The following SIL1 variants were observed in gnomAD, a reference collection of about 807,000 sequenced individuals.
SIL1 encodes the protein nucleotide exchange factor SIL1.
Under a neutral mutation model 49.1 loss-of-function variants are expected in SIL1, and 40 were observed. The ratio of observed to expected loss-of-function variants is 0.81; its 90% confidence interval spans 0.63 to 1.06. The LOEUF (loss-of-function observed/expected upper bound fraction) is 1.06, where lower values mean the gene tolerates loss of function less well. Ranked by LOEUF, SIL1 falls within the 50% of genes least tolerant of loss-of-function variation. SIL1 has a pLI of 0.00. For synonymous variants in SIL1, 253 were observed against 250.8 expected (o/e 1.01, Z -0.08); for missense variants, 500 against 572.6 (o/e 0.87, Z 1.29).
intron 3 of SIL1, among the ~76,000 whole-genome samples, chr5:139,068,983 G>A (rs1164525917): frequency 6.6e-6 from 1 of 151,980 alleles, no homozygotes; most frequent in Non-Finnish European, 1.5e-5. Context: ...GCTAGAGGCT[G>A]TGTATGGTGA....
chr5:139,156,569 AT>A (rs1286344558), intron 1 of SIL1, among the ~76,000 whole-genome samples: 1 of 152,204 alleles, frequency 6.6e-6, no homozygotes, highest in Non-Finnish European at 1.5e-5. Context: ...TAAAATGATT[AT>A]CCTGGATTAT....
At chr5:139,000,839 G>C (rs1767967092) in intron 7 of SIL1, among the ~76,000 whole-genome samples, 1 of 151,816 alleles carries the variant, frequency 6.6e-6, no homozygotes, top group Admixed American at 6.6e-5. Flanking sequence ...ACAAAAGACA[G>C]TATCCAGACT....
intron 1 of SIL1, among the ~76,000 whole-genome samples, chr5:139,193,599 A>C (rs1460424930): frequency 6.6e-6 from 1 of 152,152 alleles, no homozygotes; most frequent in Non-Finnish European, 1.5e-5. Flanking sequence ...GTAGACAATT[A>C]AGGGAAAAAA....
chr5:139,172,093 A>G (rs1356530859), intron 1 of SIL1, among the ~76,000 whole-genome samples: 1 of 152,220 alleles, frequency 6.6e-6, no homozygotes, highest in Non-Finnish European at 1.5e-5. Context: ...AAGAGAAGTG[A>G]ATAGAGACTA....
chr5:138,949,355 G>A (rs985151891), intron 9 of SIL1, among the ~76,000 whole-genome samples: 3 of 152,140 alleles, frequency 2.0e-5, no homozygotes, highest in Non-Finnish European at 4.4e-5. Flanking sequence ...CCCTGATGGG[G>A]GTGTCACATT....
chr5:139,080,776 T>C (rs1047143521), intron 3 of SIL1, among the ~76,000 whole-genome samples: 3 of 152,208 alleles, frequency 2.0e-5, no homozygotes, highest in Admixed American at 2.0e-4. Flanking sequence ...AGCTTTTTAA[T>C]TAAGTGACAA....
At chr5:139,063,322 C>T (rs1769636972) in intron 3 of SIL1, among the ~76,000 whole-genome samples, 1 of 152,198 alleles carries the variant, frequency 6.6e-6, no homozygotes, top group Non-Finnish European at 1.5e-5. Flanking sequence ...CCACAGCCCC[C>T]AAATTTAATA....
chr5:139,133,661 G>A (rs1349521703), intron 1 of SIL1, among the ~76,000 whole-genome samples: 2 of 152,200 alleles, frequency 1.3e-5, no homozygotes, highest in Non-Finnish European at 2.9e-5. Flanking sequence ...GAAAGAACTG[G>A]AAAAGGTTCT....
intron 1 of SIL1, among the ~76,000 whole-genome samples, chr5:139,188,855 C>A (rs935411920): frequency 6.6e-6 from 1 of 152,194 alleles, no homozygotes; most frequent in African/African-American, 2.4e-5. Flanking sequence ...GCCCCCGAAA[C>A]AAGGCCTGCT....
At chr5:139,125,932 T>C (rs1159712663) in intron 2 of SIL1, among the ~76,000 whole-genome samples, 15 of 152,182 alleles carry the variant, frequency 9.9e-5, no homozygotes, top group Non-Finnish European at 1.5e-5. Flanking sequence ...CAGATCATAC[T>C]GTGATACACA....
intron 7 of SIL1, among the ~76,000 whole-genome samples, chr5:138,992,899 A>T (rs1327573769): frequency 7.9e-5 from 12 of 152,054 alleles, no homozygotes; most frequent in Admixed American, 6.5e-4. Flanking sequence ...TAATTAAAAA[A>T]ATATAAATAA....
chr5:138,999,349 T>C (rs927384830), intron 7 of SIL1, among the ~76,000 whole-genome samples: 1 of 152,244 alleles, frequency 6.6e-6, no homozygotes, highest in Non-Finnish European at 1.5e-5. Context: ...GATTGTTCAC[T>C]GTTGGCATAT....
chr5:139,076,420 G>C (rs1769949372), intron 3 of SIL1, among the ~76,000 whole-genome samples: 1 of 152,160 alleles, frequency 6.6e-6, no homozygotes. Context: ...ATGGAAAACA[G>C]AATATGTTAC....
At chr5:138,997,359 G>A (rs557458818) in intron 7 of SIL1, among the ~76,000 whole-genome samples, 10 of 152,210 alleles carry the variant, frequency 6.6e-5, no homozygotes, top group South Asian at 4.2e-4. Flanking sequence ...ATGGTTATCC[G>A]GTTTTCCCAG....
At chr5:139,120,093 C>A (rs1341570262) in intron 3 of SIL1, among the ~76,000 whole-genome samples, 1 of 152,266 alleles carries the variant, frequency 6.6e-6, no homozygotes, top group African/African-American at 2.4e-5. Context: ...CTGGCTGGCA[C>A]AGCAAATGCT....
At chr5:139,167,689 G>A (rs972397101) in intron 1 of SIL1, among the ~76,000 whole-genome samples, 4 of 152,118 alleles carry the variant, frequency 2.6e-5, no homozygotes, top group African/African-American at 4.8e-5. Context: ...TAAATGTAGC[G>A]TAGCCTAAGT....
At chr5:139,088,421 C>T (rs1057399221) in intron 3 of SIL1, among the ~76,000 whole-genome samples, 5 of 152,240 alleles carry the variant, frequency 3.3e-5, no homozygotes, top group African/African-American at 1.2e-4. Flanking sequence ...CTCATTCTAC[C>T]TGAAAAGCAG....
intron 7 of SIL1, among the ~76,000 whole-genome samples, chr5:138,958,123 G>A (rs979127343): frequency 1.3e-5 from 2 of 152,170 alleles, no homozygotes; most frequent in African/African-American, 4.8e-5. Context: ...CCCATACGAT[G>A]TACACAGCAG....
At chr5:138,974,324 C>T (rs1458075544) in intron 7 of SIL1, among the ~76,000 whole-genome samples, 2 of 152,220 alleles carry the variant, frequency 1.3e-5, no homozygotes, top group South Asian at 2.1e-4. Context: ...TCTTCACTGT[C>T]ATGCCTGTCA....
Sources: gnomAD v4.1 joint callset for allele counts (sites outside exome capture counted in the v4.1 genomes callset) on GRCh38, gnomAD v4.1.1 for gene constraint, MANE v1.5 for transcripts, NCBI Gene and HGNC (gene_info 2026-07-23, HGNC 2026-07-21) for gene names.